CYB5R1: variants seen among roughly 807,000 people sequenced by gnomAD.
CYB5R1 encodes the protein NADH-cytochrome b5 reductase 1.
Under a neutral mutation model 37.4 loss-of-function variants are expected in CYB5R1, and 32 were observed. That is an observed-to-expected ratio of 0.86 (90% CI 0.65 to 1.15). The LOEUF is 1.15. Among genes scored for constraint, CYB5R1 ranks in the 50% most tolerant of loss-of-function variants. CYB5R1 has a pLI of 0.00. For missense variants in CYB5R1, 345 were observed against 382.5 expected, an observed-to-expected ratio of 0.90 and a Z score of 0.82; for synonymous variants, 159 against 155.2, an observed-to-expected ratio of 1.02 and a Z score of -0.18.
chr1:202,964,612 C>G lies in CYB5R1; in HGVS notation c.559G>C (p.Gly187Arg), dbSNP rs1489268558. ...GAGAAAGGCCCTCAGTGTAATGCACCTGTCCCGCCGGCAATCATTCCCAGT... is the reference window on the plus strand; with the variant it reads ...GAGAAAGGCCCTCAGTGTAATGCACGTGTCCCGCCGGCAATCATTCCCAGT... Reference protein sequence around the residue: ...KKLGMIAGGTGITPMLQLIRA... With the variant: ...KKLGMIAGGTRITPMLQLIRA... The change falls in exon 6 of 9, where the codon GGA (glycine) becomes CGA (arginine). Residue 187 changes from glycine (G) to arginine (R), a missense_variant and splice_region_variant. Coordinates refer to ENST00000367249, the MANE Select transcript of CYB5R1 (RefSeq NM_016243.3). 6.2e-7 allele frequency: 1 copy of G among 1,610,590 alleles called. No homozygotes were observed. Among genetic ancestry groups the G allele is most frequent in the African/African-American group, 1.3e-5 (1 of 74,932 alleles).
Position 202,962,417 on chromosome 1 carries a change from A to C in CYB5R1, c.*110T>G. 1 of 1,307,922 alleles carries C rather than the reference A, an allele frequency of 7.6e-7. No individual in the cohort carries two copies. The highest frequency in any genetic ancestry group is 1.1e-6 in the Non-Finnish European group (1 of 949,586). The allele number at this position is 1,307,922 out of a possible 1,614,324, so 81.0% of individuals were successfully genotyped here. ...GGTACTATCCAGATTTCAGCTCTAG[A>C]TGTAACTGAAAAAACCTGAAACTCT... is the stretch of plus-strand genomic sequence containing the variant. On this transcript the variant is annotated 3_prime_UTR_variant, in exon 9 of 9. Coordinates refer to ENST00000367249, the MANE Select transcript of CYB5R1 (RefSeq NM_016243.3).
In CYB5R1 at chr1:202,965,936, G is replaced by A. The variant is rs1655083380; in HGVS notation, c.296C>T (p.Thr99Ile). 1 of 1,614,126 alleles carries A rather than the reference G, an allele frequency of 6.2e-7. No homozygotes were observed. Among genetic ancestry groups the A allele is most frequent in the Non-Finnish European group, 8.5e-7 (1 of 1,179,952 alleles). ...TTGATCCTCATCACTGGTGACAGGA[G>A]TGTATGGCCTGATGACCAGGCTGCC... The part of the protein sequence containing the change: ...IDGSLVIRPY[T>I]PVTSDEDQGY... The change falls in exon 4 of 9, where the codon ACT becomes ATT. Residue 99 changes from threonine (T) to isoleucine (I), a missense_variant. Coordinates refer to ENST00000367249, the MANE Select transcript of CYB5R1 (RefSeq NM_016243.3).
At chr1:202,966,058 A>C in intron 3 of CYB5R1, 65 bp from the exon 4 acceptor site, 10 of 1,077,252 alleles carry the variant, frequency 9.3e-6, no homozygotes, top group South Asian at 1.3e-5. Flanking sequence ...CAAAATACTC[A>C]AAGAGATTTG....
At chr1:202,965,115 G>T (rs1655060071) in intron 5 of CYB5R1, 3 of 445,624 alleles carry the variant, frequency 6.7e-6, no homozygotes, top group East Asian at 4.4e-5. Context: ...TTGAAGGTGG[G>T]GAAGAGGGGC....
At chr1:202,966,235 A>G in intron 3 of CYB5R1, 1 of 595,116 alleles carries the variant, frequency 1.7e-6, no homozygotes, top group Non-Finnish European at 3.0e-6. Flanking sequence ...AGATGAGCCA[A>G]AAGGGTCTGG....
intron 2 of CYB5R1, 29 bp from the exon 3 acceptor site, chr1:202,966,629 C>T (rs569101832): frequency 6.2e-7 from 1 of 1,614,126 alleles, no homozygotes; most frequent in East Asian, 2.2e-5. Context: ...AAGTGTTTCA[C>T]CAAGCGCGCC....
rs1385420704 is a variant in CYB5R1, at chr1:202,967,255, T to C, written c.-50A>G. On this transcript the variant is annotated 5_prime_UTR_variant, in exon 1 of 9. Coordinates refer to ENST00000367249, the MANE Select transcript of CYB5R1 (RefSeq NM_016243.3). ...CCTGACAAGCCGACAGATCCCACAA[T>C]GCGCCGCGGGGCGGGTCGGAGGGCG... is the stretch of plus-strand genomic sequence containing the variant. 1 of 1,234,206 alleles carries C rather than the reference T, an allele frequency of 8.1e-7. No homozygotes were observed. The highest frequency in any genetic ancestry group is 1.6e-5 in the African/African-American group (1 of 62,106). The allele number at this position is 1,234,206 out of a possible 1,614,324, so 76.5% of individuals were successfully genotyped here.
In CYB5R1 at chr1:202,962,502, C is replaced by T; in HGVS notation, c.*25G>A. On this transcript the variant is annotated 3_prime_UTR_variant, in exon 9 of 9. Coordinates refer to ENST00000367249, the MANE Select transcript of CYB5R1 (RefSeq NM_016243.3). ...ACTGATGGGGAACAACTGCAGCGAACAGCACCAGGGAAGCTGGAGGATGCT... is the reference window on the plus strand; with the variant it reads ...ACTGATGGGGAACAACTGCAGCGAATAGCACCAGGGAAGCTGGAGGATGCT... 6.3e-7 allele frequency: 1 copy of T among 1,582,312 alleles called. No homozygotes were observed. The highest frequency in any genetic ancestry group is 8.6e-7 in the Non-Finnish European group (1 of 1,163,140).
At position 202,965,620 on chromosome 1, in the gene CYB5R1, A is replaced by G. The variant is rs867340549; in HGVS notation, c.346-120T>C. ...GATATGTGCTATCTTTTCCCCGTCT[A>G]CATACTTTCTTTCTTTCTTTTTTTT... On this transcript the variant is annotated intron_variant, in intron 4 of 8. Transcript: ENST00000367249. 2.6e-6 allele frequency: 3 copies of G among 1,139,674 alleles called. No individual in the cohort carries two copies. In the South Asian group the frequency reaches 4.9e-5, roughly 19 times the overall value. The allele number at this position is 1,139,674 out of a possible 1,614,324, so 70.6% of individuals were successfully genotyped here.
At chr1:202,966,506 GC>G in intron 3 of CYB5R1, 21 bp downstream of exon 3, 1 of 1,611,886 alleles carries the variant, frequency 6.2e-7, no homozygotes, top group Non-Finnish European at 8.5e-7. Context: ...AGGGAAAGGA[GC>G]CCATTCCACA....
chr1:202,965,738 G>A lies in CYB5R1; in HGVS notation c.345+149C>T, dbSNP rs1655078306. The A allele has an allele frequency of 1.1e-5, 8 of 702,334 alleles. No homozygotes were observed. In the South Asian group the frequency reaches 1.2e-4, roughly 10 times the overall value. The allele number at this position is 702,334 out of a possible 1,614,324, so 43.5% of individuals were successfully genotyped here. The stretch of plus-strand genomic sequence containing the variant: ...ACCTCCGCCTCCTGGGTTCAAGTGA[G>A]TCTCCTGCCTCAGTCTCCTGAGTAG... On this transcript the variant is annotated intron_variant, in intron 4 of 8. Coordinates refer to ENST00000367249, the MANE Select transcript of CYB5R1 (RefSeq NM_016243.3).
At position 202,962,495 on chromosome 1, in the gene CYB5R1, C is replaced by T. The variant is rs1343312117; in HGVS notation, c.*32G>A. The T allele has an allele frequency of 6.4e-7, 1 of 1,570,024 alleles. No individual in the cohort carries two copies. Among genetic ancestry groups the T allele is most frequent in the African/African-American group, 1.4e-5 (1 of 73,402 alleles). On this transcript the variant is annotated 3_prime_UTR_variant, in exon 9 of 9. Coordinates refer to ENST00000367249, the MANE Select transcript of CYB5R1 (RefSeq NM_016243.3). ...CTTGAGTACTGATGGGGAACAACTGCAGCGAACAGCACCAGGGAAGCTGGA... is the reference window on the plus strand; with the variant it reads ...CTTGAGTACTGATGGGGAACAACTGTAGCGAACAGCACCAGGGAAGCTGGA...
intron 3 of CYB5R1, 144 bp downstream of exon 3, chr1:202,966,384 A>C: frequency 2.2e-6 from 2 of 915,624 alleles, no homozygotes; most frequent in Non-Finnish European, 3.4e-6. Flanking sequence ...GGCACCTCAC[A>C]GCTTGGAGGA....
Position 202,965,386 on chromosome 1 carries a change from T to G in CYB5R1, c.460A>C (p.Thr154Pro), listed in dbSNP as rs1450534371. ...VEFRGPSGLL[T>P]YTGKGHFNIQ... ...AGGTCATTACCTTTTCCAGTGTAAG[T>G]GAGCAACCCGCTTGGCCCCCGAAAC... The change falls in exon 5 of 9, where the codon ACT (threonine) becomes CCT (proline). Residue 154 changes from threonine (T) to proline (P), a missense_variant. By Grantham distance (38) the Thr-to-Pro change is conservative. Transcript: ENST00000367249. 6.3e-7 allele frequency: 1 copy of G among 1,596,826 alleles called. No individual in the cohort carries two copies. The highest frequency in any genetic ancestry group is 2.3e-5 in the East Asian group (1 of 43,890).
At chr1:202,964,814 C>A (rs935505108) in intron 5 of CYB5R1, 119 bp from the exon 6 acceptor site, 9 of 749,984 alleles carry the variant, frequency 1.2e-5, no homozygotes, top group East Asian at 2.6e-5. Context: ...GACATCTGAT[C>A]CTGGAGCTTG....
chr1:202,963,803 CT>C, intron 6 of CYB5R1, 76 bp from the exon 7 acceptor site: 1 of 926,724 alleles, frequency 1.1e-6, no homozygotes, highest in South Asian at 2.0e-5. Context: ...CTGACCAGCC[CT>C]TTCATCTTCA....
intron 3 of CYB5R1, 116 bp from the exon 4 acceptor site, chr1:202,966,109 G>A (rs1263630000): frequency 2.7e-6 from 2 of 733,568 alleles, no homozygotes; most frequent in Non-Finnish European, 4.7e-6. Context: ...GTCCCAAGGA[G>A]CTACAAGGCA....
intron 8 of CYB5R1, 92 bp downstream of exon 8, chr1:202,962,974 G>T (rs771520187): frequency 2.4e-6 from 3 of 1,236,380 alleles, no homozygotes; most frequent in Non-Finnish European, 3.6e-6. Context: ...GTGAGGCAAG[G>T]TTGATTTCAA....
chr1:202,967,029 G>T (rs1259250628), intron 1 of CYB5R1, 131 bp from the exon 2 acceptor site: 10 of 1,430,444 alleles, frequency 7.0e-6, no homozygotes, highest in South Asian at 1.3e-5. Flanking sequence ...TAACCTGGCG[G>T]AGTCCCGAGC....
Sources: gnomAD v4.1 joint callset for allele counts on GRCh38, gnomAD v4.1.1 for gene constraint, MANE v1.5 for transcripts, NCBI Gene and HGNC (gene_info 2026-07-23, HGNC 2026-07-21) for gene names.